The following CRMP1 variants were observed in gnomAD, a reference collection of about 807,000 sequenced individuals.
The protein encoded by CRMP1 is collapsin response mediator protein 1.
Under a neutral mutation model 68.3 loss-of-function variants are expected in CRMP1, and 19 were observed. The observed-to-expected ratio is 0.28, with a 90% CI of 0.19 to 0.41. The LOEUF (loss-of-function observed/expected upper bound fraction) is 0.41, where lower values mean the gene tolerates loss of function less well. CRMP1 is among the 10% of genes least tolerant of loss of function. CRMP1 has a pLI of 1.00. For synonymous variants in CRMP1, 439 were observed against 399.6 expected, an observed-to-expected ratio of 1.10 and a Z score of -1.18; for missense variants, 791 against 967.4, an observed-to-expected ratio of 0.82 and a Z score of 2.42.
intron 1 of CRMP1, among the ~76,000 whole-genome samples, chr4:5,874,216 T>C (rs982910012): frequency 6.6e-6 from 1 of 152,212 alleles, no homozygotes; most frequent in Non-Finnish European, 1.5e-5. Flanking sequence ...TACAATGGTA[T>C]AACCACACCA....
At position 5,865,812 on chromosome 4, in the gene CRMP1, C is replaced by A. The variant is rs997805170; in HGVS notation, c.470+856G>T. ...CCACAGGAGTGGGGCTGGAATCCAA[C>A]AAAACTGGTGACCTTAGAAGAAGAG... On this transcript the variant is annotated intron_variant, in intron 2 of 13. Transcript: ENST00000324989. The surrounding 1 kb of genome is among the most constrained non-coding windows in gnomAD (Gnocchi z 4.1). Among the ~76,000 whole-genome samples, 1 of 151,968 alleles carries A rather than the reference C, an allele frequency of 6.6e-6. No individual in the cohort carries two copies. The highest frequency in any genetic ancestry group is 2.4e-5 in the African/African-American group (1 of 41,372).
intron 12 of CRMP1, 33 bp downstream of exon 12, chr4:5,828,456 C>G: frequency 6.2e-7 from 1 of 1,602,484 alleles, no homozygotes; most frequent in Non-Finnish European, 8.5e-7. Context: ...TCTGGTCCCA[C>G]GGGTGGGCCC....
At chr4:5,844,371 A>C (rs1024460471) in intron 6 of CRMP1, among the ~76,000 whole-genome samples, 1 of 59,038 alleles carries the variant, frequency 1.7e-5, no homozygotes, top group South Asian at 6.7e-4. Flanking sequence ...AGGGGAGGGA[A>C]GGGGAATGGA....
chr4:5,837,802 A>C (rs1380622154), intron 9 of CRMP1, among the ~76,000 whole-genome samples: 1 of 152,138 alleles, frequency 6.6e-6, no homozygotes, highest in Non-Finnish European at 1.5e-5. Context: ...GCCTAGATGC[A>C]GAGGAGTATA....
At position 5,850,117 on chromosome 4, in the gene CRMP1, G is replaced by A. The variant is rs967669562; in HGVS notation, c.883-645C>T. On this transcript the variant is annotated intron_variant, in intron 5 of 13. Transcript: ENST00000324989. The surrounding 1 kb of genome is among the most constrained non-coding windows in gnomAD (Gnocchi z 4.4). ...GCATTTGGGCATTGCCCCTGGTAAG[G>A]GCCAAAGCCACGAAGCTCCCTCTCC... Among the ~76,000 whole-genome samples, 1 of 152,140 alleles carries A rather than the reference G, an allele frequency of 6.6e-6. No individual in the cohort carries two copies. The highest frequency in any genetic ancestry group is 1.5e-5 in the Non-Finnish European group (1 of 68,026).
At position 5,890,520 on chromosome 4, in the gene CRMP1, T is replaced by C. The variant is rs115557370; in HGVS notation, c.381+2069A>G. 0.048 allele frequency among the ~76,000 whole-genome samples: 7,323 copies of C among 152,246 alleles called. 571 individuals are homozygous for C. Among genetic ancestry groups the C allele is most frequent in the African/African-American group, 0.17 (6,890 of 41,528 alleles). On this transcript the variant is annotated intron_variant, in intron 1 of 13. Transcript: ENST00000324989. The surrounding 1 kb of genome is among the most constrained non-coding windows in gnomAD (Gnocchi z 5.5). The stretch of plus-strand genomic sequence containing the variant: ...ACTGTAACCCAAGCCTCAAGGCCGC[T>C]CTGCCGGCAGAAAGTAAAACCCTCC...
rs1022191113 is a variant in CRMP1, at chr4:5,843,911, A to G, written c.964-750T>C. Among the ~76,000 whole-genome samples the G allele has an allele frequency of 6.6e-6, 1 of 152,134 alleles. No homozygotes were observed. The highest frequency in any genetic ancestry group is 2.4e-5 in the African/African-American group (1 of 41,406). On this transcript the variant is annotated intron_variant, in intron 6 of 13. Transcript: ENST00000324989. The surrounding 1 kb of genome is among the most constrained non-coding windows in gnomAD (Gnocchi z 4.1). ...TCCCTGGGCTGATGGCCTAGATTCA[A>G]ATCCATCTGGTCCAAAGTTTCTTTG...
chr4:5,831,757 A>G (rs2152456678), intron 11 of CRMP1, among the ~76,000 whole-genome samples: 1 of 152,352 alleles, frequency 6.6e-6, no homozygotes, highest in Admixed American at 6.5e-5. Flanking sequence ...ATTTCACAAG[A>G]ACACTGAATT....
intron 4 of CRMP1, 152 bp from the exon 5 acceptor site, chr4:5,851,621 A>T: frequency 2.7e-6 from 2 of 736,786 alleles, no homozygotes; most frequent in Non-Finnish European, 2.3e-6. Flanking sequence ...CAGCCTGAGG[A>T]TGTGGGCGAA....
At position 5,856,628 on chromosome 4, in the gene CRMP1, A is replaced by T. The variant is rs542445099; in HGVS notation, c.656-321T>A. Among the ~76,000 whole-genome samples the T allele has an allele frequency of 2.4e-4, 36 of 149,962 alleles. No individual in the cohort carries two copies. In the South Asian group the frequency reaches 7.7e-3, roughly 32 times the overall value. ...CATCATCACCATGACCGCCACTATC[A>T]TCATCATCATTATCAACCCATCACC... On this transcript the variant is annotated intron_variant, in intron 3 of 13. Transcript: ENST00000324989.
chr4:5,826,231 G>T (rs1227088144), intron 12 of CRMP1: 1 of 139,962 alleles, frequency 7.1e-6, no homozygotes, highest in African/African-American at 3.4e-5. Flanking sequence ...CCCCGGAAAG[G>T]ACCCCTGAGT....
intron 11 of CRMP1, among the ~76,000 whole-genome samples, chr4:5,832,367 T>C (rs769609513): frequency 6.6e-6 from 1 of 152,244 alleles, no homozygotes; most frequent in Non-Finnish European, 1.5e-5. Context: ...GTCTATGATA[T>C]ACAAACATGT....
intron 1 of CRMP1, among the ~76,000 whole-genome samples, chr4:5,876,177 A>G (rs1714816681): frequency 6.6e-6 from 1 of 152,056 alleles, no homozygotes; most frequent in Non-Finnish European, 1.5e-5. Flanking sequence ...GTTTTGTTTC[A>G]AAACTTCTTC....
In CRMP1 at chr4:5,825,767, A is replaced by G; in HGVS notation, c.1804-108T>C. ...GAGAGAGAAACCTGAGGTCACTTCA[A>G]ATGTGCATGCACACACACACACAAC... On this transcript the variant is annotated intron_variant, in intron 12 of 13. Transcript: ENST00000324989. This position sits in a 1 kb window ranked among gnomAD's most constrained non-coding sequence, Gnocchi z 4.4. The G allele has an allele frequency of 1.8e-6, 2 of 1,088,652 alleles. No individual in the cohort carries two copies. The highest frequency in any genetic ancestry group is 2.0e-4 in the Middle Eastern group (1 of 4,918). The allele number at this position is 1,088,652 out of a possible 1,614,324, so 67.4% of individuals were successfully genotyped here.
chr4:5,875,745 A>AC (rs5855883), intron 1 of CRMP1, among the ~76,000 whole-genome samples: 98,787 of 151,938 alleles, frequency 0.65, 32,255 homozygotes, highest in East Asian at 0.79. Flanking sequence ...CTGAATTGAC[A>AC]TGGACACAGA....
chr4:5,860,881 G>T lies in CRMP1; in HGVS notation c.655+145C>A. 1.3e-6 allele frequency: 1 copy of T among 767,736 alleles called. No individual in the cohort carries two copies. The highest frequency in any genetic ancestry group is 1.9e-5 in the South Asian group (1 of 51,826). 47.6% of individuals were successfully genotyped at this position (767,736 alleles called of 1,614,324 possible). ...CACACGGTATGCTCTGTAAAACAGT[G>T]ACCTGTGTCATAGGGCTGGGGGGAG... On this transcript the variant is annotated intron_variant, in intron 3 of 13. Transcript: ENST00000324989. This position sits in a 1 kb window ranked among gnomAD's most constrained non-coding sequence, Gnocchi z 4.2.
intron 1 of CRMP1, among the ~76,000 whole-genome samples, chr4:5,884,684 A>C (rs1262830271): frequency 1.3e-5 from 2 of 152,218 alleles, no homozygotes; most frequent in East Asian, 3.9e-4. Context: ...GCATAGAACT[A>C]GGTGAGAGAT....
Position 5,889,833 on chromosome 4 carries a change from G to A in CRMP1, c.381+2756C>T. On this transcript the variant is annotated intron_variant, in intron 1 of 13. Transcript: ENST00000324989. The surrounding 1 kb of genome is among the most constrained non-coding windows in gnomAD (Gnocchi z 4.5). The stretch of plus-strand genomic sequence containing the variant: ...TCCCCTAATCCAGGGCAGGAGGCCA[G>A]AGACACCTGGGCCTTAAAATAGAGG... 6.8e-7 allele frequency: 1 copy of A among 1,480,840 alleles called. No homozygotes were observed. Among genetic ancestry groups the A allele is most frequent in the Non-Finnish European group, 8.9e-7 (1 of 1,117,652 alleles). The allele number at this position is 1,480,840 out of a possible 1,614,324, so 91.7% of individuals were successfully genotyped here. A position where few individuals can be genotyped will look rare whatever the true frequency, so the allele number is the denominator to read the frequency against.
chr4:5,868,290 T>TATATATATATAG (rs1714175178), intron 1 of CRMP1, among the ~76,000 whole-genome samples: 1 of 131,396 alleles, frequency 7.6e-6, no homozygotes, highest in African/African-American at 3.3e-5. Context: ...TATATATATA[T>TATATATATATAG]ATATATATAT....
Sources: allele counts gnomAD v4.1 joint callset (sites outside exome capture counted in the v4.1 genomes callset), GRCh38; gene constraint gnomAD v4.1.1; non-coding constraint Gnocchi (gnomAD v3.1); transcripts MANE v1.5; gene names NCBI Gene and HGNC (gene_info 2026-07-23, HGNC 2026-07-21).